TNS2: variants seen among roughly 807,000 people sequenced by gnomAD.
The protein encoded by TNS2 is tensin 2, also known as tensin-2.
A neutral mutation model predicts 155.7 loss-of-function variants in TNS2; 77 were observed. That is an observed-to-expected ratio of 0.49 (90% CI 0.41 to 0.60). The LOEUF is 0.60. TNS2 is among the 20% of genes least tolerant of loss of function. The pLI is 0.00. For synonymous variants in TNS2, 726 were observed against 763.9 expected (o/e 0.95, Z 0.82); for missense variants, 1,703 against 1,868.8 (o/e 0.91, Z 1.64).
Position 53,057,554 on chromosome 12 carries a change from C to T in TNS2, c.846-13C>T, listed in dbSNP as rs373607262. On this transcript the variant is annotated splice_polypyrimidine_tract_variant and intron_variant, in intron 11 of 28. Transcript: ENST00000314250. The stretch of plus-strand genomic sequence containing the variant: ...GAAAAGGCTTATGTTCTCCTTGACA[C>T]GCCCTCCACCAGATATATCAGCTAC... 1.3e-5 allele frequency: 20 copies of T among 1,593,642 alleles called. No homozygotes were observed. The highest frequency in any genetic ancestry group is 4.0e-5 in the African/African-American group (3 of 74,648).
intron 21 of TNS2, 106 bp downstream of exon 21, chr12:53,061,575 T>C: frequency 7.2e-7 from 1 of 1,395,876 alleles, no homozygotes; most frequent in Non-Finnish European, 1.0e-6. Context: ...CTGTCTGAGC[T>C]GTGTTTACTC....
intron 7 of TNS2, 142 bp downstream of exon 7, chr12:53,054,583 C>A: frequency 1.7e-6 from 2 of 1,166,236 alleles, no homozygotes; most frequent in Non-Finnish European, 1.1e-6. Flanking sequence ...GGGCCCGGAG[C>A]GCGGCCTGGA....
intron 10 of TNS2, 29 bp downstream of exon 10, chr12:53,055,874 T>A: frequency 6.3e-7 from 1 of 1,594,756 alleles, no homozygotes; most frequent in Non-Finnish European, 8.6e-7. Flanking sequence ...GAGTAGCTGC[T>A]TCCCCAGTGG....
upstream of TNS2, among the ~76,000 whole-genome samples, chr12:53,047,837 T>C (rs1479940521): frequency 6.6e-6 from 1 of 152,084 alleles, no homozygotes; most frequent in African/African-American, 2.4e-5. Context: ...TCTGCCCCCA[T>C]CCTCCAGACC....
upstream of TNS2, among the ~76,000 whole-genome samples, chr12:53,047,369 C>A (rs1197386062): frequency 6.9e-6 from 1 of 145,786 alleles, no homozygotes; most frequent in Non-Finnish European, 1.5e-5. Flanking sequence ...GGGCGCCCCC[C>A]GCAGGTGAGT....
At position 53,060,825 on chromosome 12, in the gene TNS2, A is replaced by G; in HGVS notation, c.2919A>G (p.Pro973=). ...GSGPEPLAPS[P]VSPTFPPSSP... Reference sequence around the variant, plus strand: ...GGCCTGAGCCTCTGGCCCCTAGCCCAGTCTCTCCGACCTTCCCTCCCAGCT... The same window carrying G: ...GGCCTGAGCCTCTGGCCCCTAGCCCGGTCTCTCCGACCTTCCCTCCCAGCT... Residue 973 remains proline, a synonymous_variant, in exon 20 of 29, where the codon CCA becomes CCG. Transcript: ENST00000314250. This position sits in a 1 kb window ranked among gnomAD's most constrained non-coding sequence, Gnocchi z 6.1. 6.2e-7 allele frequency: 1 copy of G among 1,608,332 alleles called. No individual in the cohort carries two copies. Among genetic ancestry groups the G allele is most frequent in the Non-Finnish European group, 8.5e-7 (1 of 1,176,286 alleles).
At position 53,055,580 on chromosome 12, in the gene TNS2, G is replaced by A. The variant is rs765500496; in HGVS notation, c.586G>A (p.Gly196Ser). Residue 196 changes from glycine to serine, a missense_variant, in exon 9 of 29, where the codon GGC (glycine) becomes AGC (serine). Physicochemically the swap from Gly to Ser is moderately conservative, Grantham distance 56 (BLOSUM62 0). Coordinates refer to ENST00000314250, the MANE Select transcript of TNS2 (RefSeq NM_170754.4). ...GCATTCTCCCCAGGTTCAAGACTTC[G>A]GCTGGCCTGAGCTGCATGCTCCACC... ...TRLNPKVQDF[G>S]WPELHAPPLD... 3.7e-5 allele frequency: 60 copies of A among 1,604,848 alleles called. No individual in the cohort carries two copies. The highest frequency in any genetic ancestry group is 4.9e-5 in the Non-Finnish European group (58 of 1,173,032).
intron 5 of TNS2, 21 bp downstream of exon 5, chr12:53,053,833 G>C: frequency 6.2e-7 from 1 of 1,613,650 alleles, no homozygotes. Context: ...GCTGGAGCAG[G>C]AGGGGGAAGC....
At position 53,057,878 on chromosome 12, in the gene TNS2, C is replaced by T. The variant is rs1368668079; in HGVS notation, c.1019+45C>T. Reference sequence around the variant, plus strand: ...GCCCCTGACACTTCATGACCAGGGCCCCTCTTGCTCCTGCATTCCTGCTTC... The same window carrying T: ...GCCCCTGACACTTCATGACCAGGGCTCCTCTTGCTCCTGCATTCCTGCTTC... On this transcript the variant is annotated intron_variant, in intron 13 of 28. Coordinates refer to ENST00000314250, the MANE Select transcript of TNS2 (RefSeq NM_170754.4). The T allele has an allele frequency of 3.1e-6, 5 of 1,612,838 alleles. No individual in the cohort carries two copies. In the East Asian group the frequency reaches 8.9e-5, roughly 29 times the overall value.
At position 53,059,132 on chromosome 12, in the gene TNS2, C is replaced by T. The variant is rs1319593149; in HGVS notation, c.1491C>T (p.Pro497=). 4 of 1,585,690 alleles carry T rather than the reference C, an allele frequency of 2.5e-6. No homozygotes were observed. Among genetic ancestry groups the T allele is most frequent in the Non-Finnish European group, 3.4e-6 (4 of 1,170,026 alleles). ...QRPPRQTPPA[P]SPEPPPPPML... ...CTCCCCGGCAGACCCCCCCGGCACC[C>T]TCTCCAGAGCCTCCACCACCCCCCA... Residue 497 remains proline, a synonymous_variant, in exon 18 of 29, where the codon CCC becomes CCT. Transcript: ENST00000314250. This position sits in a 1 kb window ranked among gnomAD's most constrained non-coding sequence, Gnocchi z 4.7.
chr12:53,056,980 C>A, intron 10 of TNS2, 33 bp from the exon 11 acceptor site: 1 of 1,599,040 alleles, frequency 6.3e-7, no homozygotes. Flanking sequence ...AAGATTAATC[C>A]CTAATCCCCA....
chr12:53,063,961 G>A lies in TNS2; in HGVS notation c.*79G>A. On this transcript the variant is annotated 3_prime_UTR_variant, in exon 29 of 29. Coordinates refer to ENST00000314250, the MANE Select transcript of TNS2 (RefSeq NM_170754.4). The surrounding 1 kb of genome is among the most constrained non-coding windows in gnomAD (Gnocchi z 5.6). ...CACAGCCCTCACATCCCCTGGCCTG[G>A]ACCCAGGAGACCCAGGAGAAAGCAC... The A allele has an allele frequency of 6.8e-7, 1 of 1,466,442 alleles. No individual in the cohort carries two copies. The allele number at this position is 1,466,442 out of a possible 1,614,324, so 90.8% of individuals were successfully genotyped here.
rs751597360 is a variant in TNS2 at position 53,054,384 on chromosome 12, G to C, written c.465G>C (p.Arg155=). The change falls in exon 7 of 29, where the codon CGG becomes CGC. Residue 155 remains arginine, a synonymous_variant. Transcript: ENST00000314250. ...CGCGGCCCGATGAACAGCGGCACCG[G>C]GGCCACCTGCGCGAGCTGGCCCATG... is the stretch of plus-strand genomic sequence containing the variant. ...FPARPDEQRH[R]GHLRELAHVL... 39 of 1,611,112 alleles carry C rather than the reference G, an allele frequency of 2.4e-5. 2 individuals are homozygous for C. The South Asian group carries it at 4.1e-4, about 17-fold the overall frequency.
chr12:53,063,750 T>C lies in TNS2; in HGVS notation c.4098T>C (p.Phe1366=). Residue 1366 remains phenylalanine, a synonymous_variant, in exon 29 of 29, where the codon TTT becomes TTC. Transcript: ENST00000314250. This position sits in a 1 kb window ranked among gnomAD's most constrained non-coding sequence, Gnocchi z 5.6. ...TNPDGTTSKI[F]GFVAKKPGSP... Reference sequence around the variant, plus strand: ...CCACCCTTTATCCCCCTAGGATCTTTGGTTTCGTGGCCAAGAAGCCGGGAA... The same window carrying C: ...CCACCCTTTATCCCCCTAGGATCTTCGGTTTCGTGGCCAAGAAGCCGGGAA... 6.2e-7 allele frequency: 1 copy of C among 1,614,158 alleles called. No homozygotes were observed. The highest frequency in any genetic ancestry group is 8.5e-7 in the Non-Finnish European group (1 of 1,180,010).
At chr12:53,047,432 G>T (rs1018188217), upstream of TNS2, among the ~76,000 whole-genome samples, 211 of 146,142 alleles carry the variant, frequency 1.4e-3, no homozygotes, top group African/African-American at 4.9e-3. Context: ...CGCGCGGGCA[G>T]TGCCAGGGGC....
Position 53,059,649 on chromosome 12 carries a change from G to C in TNS2, c.2008G>C (p.Ala670Pro), listed in dbSNP as rs11558984. 1.9e-6 allele frequency: 3 copies of C among 1,613,144 alleles called. No homozygotes were observed. Among genetic ancestry groups the C allele is most frequent in the South Asian group, 2.2e-5 (2 of 91,084 alleles). The change falls in exon 18 of 29, where the codon GCC becomes CCC. Residue 670 changes from alanine (A) to proline (P), a missense_variant. Physicochemically the swap from Ala to Pro is conservative, Grantham distance 27 (BLOSUM62 -1). Coordinates refer to ENST00000314250, the MANE Select transcript of TNS2 (RefSeq NM_170754.4). This position sits in a 1 kb window ranked among gnomAD's most constrained non-coding sequence, Gnocchi z 4.7. ...KPATGDFGYR[A>P]PGYREVVILE... ...AGCCACTGGGGACTTTGGCTACCGC[G>C]CCCCAGGCTACCGGGAGGTGGTCAT...
At position 53,064,154 on chromosome 12, in the gene TNS2, G is replaced by A; in HGVS notation, c.*272G>A. 1 of 415,688 alleles carries A rather than the reference G, an allele frequency of 2.4e-6. No individual in the cohort carries two copies. The highest frequency in any genetic ancestry group is 4.3e-6 in the Non-Finnish European group (1 of 230,202). 25.7% of individuals were successfully genotyped at this position (415,688 alleles called of 1,614,324 possible). On this transcript the variant is annotated 3_prime_UTR_variant, in exon 29 of 29. Transcript: ENST00000314250. ...GAGGCATCAGCAGTTGAGCCCCGAAGGAGATCAGGCAGCCCCACCTGCAGG... is the reference window on the plus strand; with the variant it reads ...GAGGCATCAGCAGTTGAGCCCCGAAAGAGATCAGGCAGCCCCACCTGCAGG...
rs780153019 is a variant in TNS2 at position 53,058,564 on chromosome 12, C to A, written c.1226-8C>A. The A allele has an allele frequency of 1.9e-6, 3 of 1,613,970 alleles. No homozygotes were observed. The African/African-American group carries it at 4.0e-5, about 22-fold the overall frequency. On this transcript the variant is annotated splice_polypyrimidine_tract_variant and splice_region_variant and intron_variant, in intron 15 of 28. Coordinates refer to ENST00000314250, the MANE Select transcript of TNS2 (RefSeq NM_170754.4). ...GGGGCCTGGTTCTTCACTGTCCACTCCCCATAGATGAGAGGTTCCCCTTCC... is the reference window on the plus strand; with the variant it reads ...GGGGCCTGGTTCTTCACTGTCCACTACCCATAGATGAGAGGTTCCCCTTCC...
In TNS2 at chr12:53,050,182, C is replaced by T; in HGVS notation, c.-4C>T. The stretch of plus-strand genomic sequence containing the variant: ...GGGGCCAGCACCCCAGCCAGCCGAA[C>T]ACCATGAAGTCCAGCGGCCCTGTGG... On this transcript the variant is annotated 5_prime_UTR_variant, in exon 1 of 29. Coordinates refer to ENST00000314250, the MANE Select transcript of TNS2 (RefSeq NM_170754.4). The surrounding 1 kb of genome is among the most constrained non-coding windows in gnomAD (Gnocchi z 4.7). The T allele has an allele frequency of 1.2e-6, 2 of 1,610,918 alleles. No homozygotes were observed. Among genetic ancestry groups the T allele is most frequent in the Non-Finnish European group, 1.7e-6 (2 of 1,179,230 alleles).
Sources: allele counts gnomAD v4.1 joint callset (sites outside exome capture counted in the v4.1 genomes callset), GRCh38; gene constraint gnomAD v4.1.1; non-coding constraint Gnocchi (gnomAD v3.1); transcripts MANE v1.5; gene names NCBI Gene and HGNC (gene_info 2026-07-23, HGNC 2026-07-21).